STMN3: variants seen among roughly 807,000 people sequenced by gnomAD.
STMN3 encodes the protein stathmin-3.
In STMN3, 24 loss-of-function variants were observed where a neutral mutation model predicts 23.2. The ratio of observed to expected loss-of-function variants is 1.03; its 90% CI spans 0.75 to 1.45. STMN3 has a LOEUF of 1.45. Ranked by LOEUF, STMN3 falls within the 40% of genes most tolerant of loss-of-function variation. STMN3 has a pLI of 0.00. For missense variants in STMN3, 235 were observed against 237.6 expected (o/e 0.99, Z 0.07); for synonymous variants, 117 against 103.4 (o/e 1.13, Z -0.80).
At chr20:63,648,999 C>T (rs965975923) in intron 1 of STMN3, among the ~76,000 whole-genome samples, 1 of 152,116 alleles carries the variant, frequency 6.6e-6, no homozygotes, top group Admixed American at 6.6e-5. Flanking sequence ...GGTCAGACCT[C>T]TCACAGGTCT....
chr20:63,649,353 G>A (rs537202619), intron 1 of STMN3, among the ~76,000 whole-genome samples: 7 of 152,250 alleles, frequency 4.6e-5, no homozygotes, highest in Non-Finnish European at 1.0e-4. Context: ...GGTCAGGGGC[G>A]AGGCAGGGCA....
At chr20:63,651,722 A>G (rs1157352068) in intron 1 of STMN3, among the ~76,000 whole-genome samples, 1 of 152,310 alleles carries the variant, frequency 6.6e-6, no homozygotes, top group East Asian at 1.9e-4. Context: ...CGTCATCTCT[A>G]CCCAGATAAG....
intron 3 of STMN3, chr20:63,643,547 C>T: frequency 1.3e-6 from 1 of 796,790 alleles, no homozygotes; most frequent in South Asian, 5.7e-5. Flanking sequence ...TCCCAAAGTT[C>T]TGGGATTACA....
chr20:63,646,751 C>T (rs886421493), intron 1 of STMN3, among the ~76,000 whole-genome samples: 26 of 151,624 alleles, frequency 1.7e-4, no homozygotes, highest in Admixed American at 1.5e-3. Context: ...CTGGGCTTGA[C>T]GGATCCTGCC....
intron 1 of STMN3, among the ~76,000 whole-genome samples, chr20:63,647,754 T>A (rs1363926213): frequency 8.0e-6 from 1 of 124,320 alleles, no homozygotes; most frequent in African/African-American, 2.9e-5. Flanking sequence ...TGTATATATA[T>A]AATATATATA....
intron 2 of STMN3, 101 bp from the exon 3 acceptor site, chr20:63,644,032 A>G (rs1049932566): frequency 8.7e-6 from 13 of 1,495,816 alleles, no homozygotes; most frequent in Non-Finnish European, 1.2e-5. Flanking sequence ...GGGCTGGGCG[A>G]GAGGGGGTGG....
chr20:63,647,484 C>T (rs1474717679), intron 1 of STMN3, among the ~76,000 whole-genome samples: 6 of 150,600 alleles, frequency 4.0e-5, no homozygotes, highest in African/African-American at 9.8e-5. Flanking sequence ...GGCATGGTGG[C>T]GGGCACGTGT....
At chr20:63,646,207 C>T (rs1199176197) in intron 1 of STMN3, among the ~76,000 whole-genome samples, 1 of 151,958 alleles carries the variant, frequency 6.6e-6, no homozygotes, top group Non-Finnish European at 1.5e-5. Flanking sequence ...GGTGGGCAGG[C>T]CCGTGCGAGA....
intron 1 of STMN3, among the ~76,000 whole-genome samples, chr20:63,648,401 G>A (rs374316630): frequency 6.6e-6 from 1 of 152,066 alleles, no homozygotes; most frequent in Non-Finnish European, 1.5e-5. Context: ...CAGACTCCAG[G>A]CCCCTACCCT....
chr20:63,645,512 A>C (rs1237824312), intron 1 of STMN3, among the ~76,000 whole-genome samples: 1 of 152,300 alleles, frequency 6.6e-6, no homozygotes, highest in Admixed American at 6.5e-5. Flanking sequence ...AACCAGAAGC[A>C]AGCCGGGCTC....
rs1288050001 is a variant in STMN3, at chr20:63,647,991, T to TATATACACAC, written c.20-3683_20-3682insGTGTGTATAT. 4.1e-3 allele frequency among the ~76,000 whole-genome samples: 312 copies of TATATACACAC among 75,884 alleles called. 11 individuals carry two copies. The highest frequency in any genetic ancestry group is 0.013 in the African/African-American group (271 of 20,628). The allele number at this position is 75,884 out of a possible 152,430, so 49.8% of individuals were successfully genotyped here. A position where few individuals can be genotyped will look rare whatever the true frequency, so the allele number is the denominator to read the frequency against. On this transcript the variant is annotated intron_variant, in intron 1 of 4. Coordinates refer to ENST00000370053, the MANE Select transcript of STMN3 (RefSeq NM_015894.4). The stretch of plus-strand genomic sequence containing the variant: ...ATATATATATATATACATATATATA[T>TATATACACAC]ACAGAGAGAGAGAGAGTAGTGATAG...
chr20:63,645,219 C>G (rs988094877), intron 1 of STMN3, among the ~76,000 whole-genome samples: 6 of 152,208 alleles, frequency 3.9e-5, no homozygotes, highest in Non-Finnish European at 5.9e-5. Context: ...ATGACGGGAC[C>G]AGCACAGATG....
intron 2 of STMN3, 97 bp from the exon 3 acceptor site, chr20:63,644,028 G>T: frequency 6.6e-7 from 1 of 1,508,894 alleles, no homozygotes; most frequent in Non-Finnish European, 8.9e-7. Flanking sequence ...CCCAGGGCTG[G>T]GCGAGAGGGG....
At chr20:63,648,266 C>T (rs1449400040) in intron 1 of STMN3, among the ~76,000 whole-genome samples, 2 of 151,734 alleles carry the variant, frequency 1.3e-5, no homozygotes, top group Non-Finnish European at 1.5e-5. Context: ...CTCAGGAGGA[C>T]GGGGGAGGGA....
At position 63,652,593 on chromosome 20, in the gene STMN3, C is replaced by T; in HGVS notation, c.19+734G>A. 1 of 985,336 alleles carries T rather than the reference C, an allele frequency of 1.0e-6. No individual in the cohort carries two copies. The highest frequency in any genetic ancestry group is 1.2e-6 in the Non-Finnish European group (1 of 829,884). 61.0% of individuals were successfully genotyped at this position (985,336 alleles called of 1,614,324 possible). ...GCTACCTTCGAAGGCGGTGGGTCCGCCCCGCGGGAGGTGGAGGGGCGGGAG... is the reference window on the plus strand; with the variant it reads ...GCTACCTTCGAAGGCGGTGGGTCCGTCCCGCGGGAGGTGGAGGGGCGGGAG... On this transcript the variant is annotated intron_variant, in intron 1 of 4. Coordinates refer to ENST00000370053, the MANE Select transcript of STMN3 (RefSeq NM_015894.4). This position sits in a 1 kb window ranked among gnomAD's most constrained non-coding sequence, Gnocchi z 5.3.
chr20:63,644,372 T>C, intron 1 of STMN3, 63 bp from the exon 2 acceptor site: 1 of 1,293,438 alleles, frequency 7.7e-7, no homozygotes, highest in Non-Finnish European at 1.1e-6. Context: ...GCCCCCGTTT[T>C]CCCTCCCCAT....
chr20:63,645,836 C>G (rs1312337441), intron 1 of STMN3, among the ~76,000 whole-genome samples: 1 of 152,086 alleles, frequency 6.6e-6, no homozygotes, highest in Non-Finnish European at 1.5e-5. Context: ...ACCTGTAATC[C>G]TAGCTACTTG....
Position 63,652,732 on chromosome 20 carries a change from G to A in STMN3, c.19+595C>T, listed in dbSNP as rs938184231. 4.1e-6 allele frequency: 4 copies of A among 985,878 alleles called. No individual in the cohort carries two copies. The highest frequency in any genetic ancestry group is 4.8e-6 in the Non-Finnish European group (4 of 830,328). The allele number at this position is 985,878 out of a possible 1,614,324, so 61.1% of individuals were successfully genotyped here. A position where few individuals can be genotyped will look rare whatever the true frequency, so the allele number is the denominator to read the frequency against. On this transcript the variant is annotated intron_variant, in intron 1 of 4. Coordinates refer to ENST00000370053, the MANE Select transcript of STMN3 (RefSeq NM_015894.4). This position sits in a 1 kb window ranked among gnomAD's most constrained non-coding sequence, Gnocchi z 5.3. ...TCTGGCCAGAGCAGGTGGCGCGGGC[G>A]TCGCAAAGGGTGGTCCCCGAGGCCG...
chr20:63,653,372 A>T lies in STMN3; in HGVS notation c.-27T>A. On this transcript the variant is annotated 5_prime_UTR_variant, in exon 1 of 5. Transcript: ENST00000370053. ...GTGCTGGCGGCGGTTGGGCCTGCGGAGGCTGGAGAGGCGCAAGTGGCGGCC... is the reference window on the plus strand; with the variant it reads ...GTGCTGGCGGCGGTTGGGCCTGCGGTGGCTGGAGAGGCGCAAGTGGCGGCC... The T allele has an allele frequency of 2.7e-6, 4 of 1,455,736 alleles. No homozygotes were observed. The highest frequency in any genetic ancestry group is 3.7e-6 in the Non-Finnish European group (4 of 1,092,388). The allele number at this position is 1,455,736 out of a possible 1,614,324, so 90.2% of individuals were successfully genotyped here.
Sources: gnomAD v4.1 joint callset for allele counts (sites outside exome capture counted in the v4.1 genomes callset) on GRCh38, gnomAD v4.1.1 for gene constraint, Gnocchi (gnomAD v3.1) non-coding constraint, MANE v1.5 for transcripts, NCBI Gene and HGNC (gene_info 2026-07-23, HGNC 2026-07-21) for gene names.